The following RBMS3 variants were observed in gnomAD, a reference collection of about 807,000 sequenced individuals.
RBMS3 encodes the protein RNA-binding motif, single-stranded-interacting protein 3.
A neutral mutation model predicts 66.8 loss-of-function variants in RBMS3; 27 were observed. The observed-to-expected ratio is 0.40, with a 90% confidence interval of 0.30 to 0.56. The LOEUF (loss-of-function observed/expected upper bound fraction) is 0.56. Among genes scored for constraint, RBMS3 ranks in the 20% least tolerant of loss-of-function variants. The pLI, the probability that RBMS3 is intolerant of heterozygous loss-of-function variation, is 0.40. For synonymous variants in RBMS3, 188 were observed against 183.0 expected (o/e 1.03, Z -0.22); for missense variants, 513 against 549.5 (o/e 0.93, Z 0.66).
rs141543182 is a variant in RBMS3, at chr3:29,373,239, C to G, written c.76-61504C>G. On this transcript the variant is annotated intron_variant, in intron 1 of 14. Transcript: ENST00000383767. ...CCAGAACCCACTGATCATGGGCAAT[C>G]CAGTGAGTTCTCAGCACTGTTACTC... Among the ~76,000 whole-genome samples, 230 of 152,218 alleles carry G rather than the reference C, an allele frequency of 1.5e-3. 1 individual carries two copies. The highest frequency in any genetic ancestry group is 2.5e-3 in the Non-Finnish European group (171 of 68,024).
chr3:29,413,127 T>C (rs6549941), intron 1 of RBMS3, among the ~76,000 whole-genome samples: 86,555 of 151,934 alleles, frequency 0.57, 25,693 homozygotes, highest in African/African-American at 0.76. Flanking sequence ...TCCCAGCACT[T>C]TGGGAGCCCA....
chr3:29,336,312 C>T (rs1232932124), intron 1 of RBMS3, among the ~76,000 whole-genome samples: 5 of 152,092 alleles, frequency 3.3e-5, no homozygotes, highest in Admixed American at 6.6e-5. Context: ...CCAAACTATA[C>T]CATGGCAGTT....
At chr3:29,435,996 C>A (rs1349356547) in intron 2 of RBMS3, among the ~76,000 whole-genome samples, 3 of 146,732 alleles carry the variant, frequency 2.0e-5, no homozygotes, top group African/African-American at 7.6e-5. Context: ...GAAGACGAAT[C>A]GTAGACCTGT....
intron 3 of RBMS3, among the ~76,000 whole-genome samples, chr3:29,550,609 C>T (rs111815499): frequency 6.6e-6 from 1 of 151,728 alleles, no homozygotes; most frequent in African/African-American, 2.4e-5. Flanking sequence ...ATATAGTATA[C>T]AGTATTATAG....
intron 6 of RBMS3, among the ~76,000 whole-genome samples, chr3:29,770,051 G>T (rs952633274): frequency 4.6e-5 from 7 of 151,906 alleles, no homozygotes; most frequent in Middle Eastern, 3.4e-3. Flanking sequence ...GGACCTAATT[G>T]TAGTTTCTTT....
At chr3:29,288,328 G>T in intron 1 of RBMS3, among the ~76,000 whole-genome samples, 1 of 151,972 alleles carries the variant, frequency 6.6e-6, no homozygotes, top group East Asian at 1.9e-4. Context: ...TGGCTCTCTG[G>T]TGATTTGAAA....
chr3:29,788,202 ATT>A (rs34037007), intron 6 of RBMS3, among the ~76,000 whole-genome samples: 2 of 134,990 alleles, frequency 1.5e-5, no homozygotes, highest in Non-Finnish European at 3.1e-5. Flanking sequence ...TTTGGAGTTC[ATT>A]TTTTTTTTTT....
At chr3:29,504,398 T>G (rs922669040) in intron 3 of RBMS3, among the ~76,000 whole-genome samples, 1 of 152,128 alleles carries the variant, frequency 6.6e-6, no homozygotes, top group Non-Finnish European at 1.5e-5. Flanking sequence ...AAGGCAACCA[T>G]AAAAATAATT....
At chr3:29,335,817 C>G (rs546618096) in intron 1 of RBMS3, among the ~76,000 whole-genome samples, 2 of 151,962 alleles carry the variant, frequency 1.3e-5, no homozygotes, top group African/African-American at 4.8e-5. Context: ...ATCTTTTTCT[C>G]TCTTCCCTCC....
At chr3:29,458,719 A>G (rs55854646) in intron 2 of RBMS3, among the ~76,000 whole-genome samples, 1 of 152,130 alleles carries the variant, frequency 6.6e-6, no homozygotes, top group Non-Finnish European at 1.5e-5. Context: ...CAGAAAAAAG[A>G]CCTATTATAA....
At chr3:29,314,291 A>G (rs2034548704) in intron 1 of RBMS3, among the ~76,000 whole-genome samples, 1 of 151,764 alleles carries the variant, frequency 6.6e-6, no homozygotes, top group Non-Finnish European at 1.5e-5. Context: ...TGGTCATTTC[A>G]TTAATCTGGC....
At chr3:29,392,930 A>G (rs1024179779) in intron 1 of RBMS3, among the ~76,000 whole-genome samples, 1 of 151,858 alleles carries the variant, frequency 6.6e-6, no homozygotes, top group African/African-American at 2.4e-5. Context: ...AAAAAGGAAG[A>G]CTTATCTTCT....
Position 29,532,246 on chromosome 3 carries a change from G to GTATA in RBMS3, c.307+43759_307+43762dup, listed in dbSNP as rs1166106438. On this transcript the variant is annotated intron_variant, in intron 3 of 14. Transcript: ENST00000383767. Reference sequence around the variant, plus strand: ...TCTTATTTTAATTTCGCATATATATGTATATATATATATATGTATATATAT... The same window carrying GTATA: ...TCTTATTTTAATTTCGCATATATATGTATATATATATATATATATGTATATATAT... 6.0e-3 allele frequency among the ~76,000 whole-genome samples: 531 copies of GTATA among 88,934 alleles called. 4 individuals are homozygous for GTATA. The highest frequency in any genetic ancestry group is 0.025 in the East Asian group (70 of 2,814). 58.3% of individuals were successfully genotyped at this position (88,934 alleles called of 152,430 possible). A position where few individuals can be genotyped will look rare whatever the true frequency, so the allele number is the denominator to read the frequency against.
intron 1 of RBMS3, among the ~76,000 whole-genome samples, chr3:29,372,090 A>G (rs1446870621): frequency 6.6e-6 from 1 of 152,202 alleles, no homozygotes; most frequent in African/African-American, 2.4e-5. Context: ...AGAAGTGCAC[A>G]TAAGCTTCCA....
At chr3:29,454,703 A>G (rs922979736) in intron 2 of RBMS3, among the ~76,000 whole-genome samples, 2 of 152,170 alleles carry the variant, frequency 1.3e-5, no homozygotes, top group Non-Finnish European at 2.9e-5. Context: ...CTGCCATGGT[A>G]AAAATTTTCT....
intron 3 of RBMS3, among the ~76,000 whole-genome samples, chr3:29,503,442 T>A (rs1165828525): frequency 6.6e-6 from 1 of 152,112 alleles, no homozygotes; most frequent in African/African-American, 2.4e-5. Context: ...TTCCTCGTAC[T>A]CACTCTAGAT....
chr3:29,595,053 T>C (rs897185428), intron 4 of RBMS3, among the ~76,000 whole-genome samples: 1 of 152,182 alleles, frequency 6.6e-6, no homozygotes, highest in Non-Finnish European at 1.5e-5. Context: ...ACTAGTTGAC[T>C]AGGCACTTAG....
intron 3 of RBMS3, among the ~76,000 whole-genome samples, chr3:29,568,619 T>C (rs1287666340): frequency 6.6e-6 from 1 of 152,208 alleles, no homozygotes; most frequent in Non-Finnish European, 1.5e-5. Context: ...GGTTGAGTGT[T>C]CTGTGCCTGA....
At chr3:29,939,433 T>A (rs920322350) in intron 11 of RBMS3, among the ~76,000 whole-genome samples, 1 of 151,934 alleles carries the variant, frequency 6.6e-6, no homozygotes, top group Non-Finnish European at 1.5e-5. Context: ...ATGGATGCCT[T>A]GTCTGAAGAG....
Sources: gnomAD v4.1 joint callset for allele counts (sites outside exome capture counted in the v4.1 genomes callset) on GRCh38, gnomAD v4.1.1 for gene constraint, MANE v1.5 for transcripts, NCBI Gene and HGNC (gene_info 2026-07-23, HGNC 2026-07-21) for gene names.